Variants in MYLK4 observed in about 807,000 individuals in gnomAD.
The protein encoded by MYLK4 is myosin light chain kinase family member 4, also known as caMLCK like.
Under a neutral mutation model 48.1 loss-of-function variants are expected in MYLK4, and 46 were observed. The observed-to-expected ratio is 0.96, with a 90% CI of 0.75 to 1.22. The LOEUF (loss-of-function observed/expected upper bound fraction) is 1.22, where lower values mean the gene tolerates loss of function less well. MYLK4 is among the 50% of genes most tolerant of loss of function. The probability of loss-of-function intolerance (pLI) is 0.00; values close to 1 mark genes in which losing one functional copy is unlikely to be tolerated. For synonymous variants in MYLK4, 170 were observed against 180.8 expected (o/e 0.94, Z 0.48); for missense variants, 451 against 486.1 (o/e 0.93, Z 0.68).
At chr6:2,745,121 G>A (rs1764034658) in intron 2 of MYLK4, among the ~76,000 whole-genome samples, 1 of 152,188 alleles carries the variant, frequency 6.6e-6, no homozygotes, top group African/African-American at 2.4e-5. Context: ...GGTACACCGA[G>A]GAAAGCAGTG....
the MYLK4 span, among the ~76,000 whole-genome samples, chr6:2,763,503 G>T: frequency 6.6e-6 from 1 of 152,234 alleles, no homozygotes; most frequent in Non-Finnish European, 1.5e-5. Context: ...GGCGAGAAGT[G>T]CTGTCCCAAG....
chr6:2,763,433 G>GT, the MYLK4 span, among the ~76,000 whole-genome samples: 111 of 152,300 alleles, frequency 7.3e-4, 2 homozygotes, highest in South Asian at 0.023. Context: ...GTCCCCAGTT[G>GT]GGGGGAGGCT....
chr6:2,739,935 G>C (rs1157653736), intron 2 of MYLK4, among the ~76,000 whole-genome samples: 2 of 152,240 alleles, frequency 1.3e-5, no homozygotes, highest in East Asian at 3.8e-4. Flanking sequence ...GTTGTGTAAA[G>C]AACTTAAAGA....
chr6:2,677,841 A>G (rs1761136497), intron 10 of MYLK4, among the ~76,000 whole-genome samples: 1 of 152,240 alleles, frequency 6.6e-6, no homozygotes, highest in Non-Finnish European at 1.5e-5. Context: ...TCTGGCCCAC[A>G]GTAGTTTCCC....
chr6:2,726,489 C>CA (rs1763279180), intron 2 of MYLK4, among the ~76,000 whole-genome samples: 1 of 151,878 alleles, frequency 6.6e-6, no homozygotes, highest in African/African-American at 2.4e-5. Flanking sequence ...TTAGAGGAGA[C>CA]AAAAACCATG....
chr6:2,700,244 C>T (rs1022959767), intron 2 of MYLK4, among the ~76,000 whole-genome samples: 2 of 152,100 alleles, frequency 1.3e-5, no homozygotes, highest in African/African-American at 4.8e-5. Flanking sequence ...CCAAACTGTT[C>T]TAAGTTCTAA....
rs191367600 is a variant in MYLK4 at position 2,701,338 on chromosome 6, G to A, written c.160-8479C>T. On this transcript the variant is annotated intron_variant, in intron 2 of 12. Transcript: ENST00000274643. ...AGCCTAAGTTCAGTTCGGCCTCCCC[G>A]AGCCCCACTGCCTCCCTGCAGTGGG... Among the ~76,000 whole-genome samples the A allele has an allele frequency of 1.3e-4, 20 of 151,930 alleles. No individual in the cohort carries two copies. In the East Asian group the frequency reaches 2.9e-3, roughly 22 times the overall value.
At position 2,666,932 on chromosome 6, in the gene MYLK4, G is replaced by C. The variant is rs529452211; in HGVS notation, c.*993C>G. The C allele has an allele frequency of 6.6e-6, 1 of 152,242 alleles. No individual in the cohort carries two copies. The highest frequency in any genetic ancestry group is 2.4e-5 in the African/African-American group (1 of 41,448). The allele number at this position is 152,242 out of a possible 1,614,324, so 9.4% of individuals were successfully genotyped here. A position where few individuals can be genotyped will look rare whatever the true frequency, so the allele number is the denominator to read the frequency against. ...CCATTGAGTCCCATGAGACAGCACAGGCGAGAGACTGTACTTGGTCTTTGC... is the reference window on the plus strand; with the variant it reads ...CCATTGAGTCCCATGAGACAGCACACGCGAGAGACTGTACTTGGTCTTTGC... On this transcript the variant is annotated 3_prime_UTR_variant, in exon 13 of 13. Coordinates refer to ENST00000274643, the MANE Select transcript of MYLK4 (RefSeq NM_001012418.5).
intron 2 of MYLK4, among the ~76,000 whole-genome samples, chr6:2,716,370 G>GT (rs1762866392): frequency 6.6e-6 from 1 of 152,212 alleles, no homozygotes; most frequent in African/African-American, 2.4e-5. Flanking sequence ...GTGTGATCCT[G>GT]TTTGGGTAAA....
chr6:2,692,646 G>C lies in MYLK4; in HGVS notation c.235+138C>G, dbSNP rs1313485461. 24 of 540,230 alleles carry C rather than the reference G, an allele frequency of 4.4e-5. No individual in the cohort carries two copies. The East Asian group carries it at 5.8e-4, about 13-fold the overall frequency. 33.5% of individuals were successfully genotyped at this position (540,230 alleles called of 1,614,324 possible). ...AACACAAGCAAAAAAAAAAAAAGGG[G>C]GGGGGGGGCATTTTTTTATAAACAT... On this transcript the variant is annotated intron_variant, in intron 3 of 12. Transcript: ENST00000274643.
chr6:2,768,604 G>T, the MYLK4 span: 1 of 1,183,102 alleles, frequency 8.5e-7, no homozygotes, highest in Non-Finnish European at 1.2e-6. Flanking sequence ...TTGGTAAATA[G>T]TGATGCTGCG....
At chr6:2,676,931 G>C (rs534813839) in intron 10 of MYLK4, among the ~76,000 whole-genome samples, 39 of 152,268 alleles carry the variant, frequency 2.6e-4, no homozygotes, top group African/African-American at 9.1e-4. Flanking sequence ...GATTTGAAAG[G>C]GTTGACAGTT....
chr6:2,728,631 T>C (rs1663967529), intron 2 of MYLK4, among the ~76,000 whole-genome samples: 1 of 152,220 alleles, frequency 6.6e-6, no homozygotes, highest in Non-Finnish European at 1.5e-5. Context: ...AGGTTGGCAC[T>C]CCAGCTGAGG....
At chr6:2,759,383 A>G in the MYLK4 span, among the ~76,000 whole-genome samples, 1 of 152,238 alleles carries the variant, frequency 6.6e-6, no homozygotes, top group Non-Finnish European at 1.5e-5. Context: ...CTGGGATTAC[A>G]GACATGAACC....
At chr6:2,763,911 C>T in the MYLK4 span, among the ~76,000 whole-genome samples, 13 of 151,792 alleles carry the variant, frequency 8.6e-5, no homozygotes, top group African/African-American at 3.1e-4. Context: ...CTTTGGGAGA[C>T]CGAGGTGGGC....
rs1281473886 is a variant in MYLK4, at chr6:2,695,711, C to G, written c.160-2852G>C. ...ACAAACAGAAGTTGTATTCTCCTGT[C>G]CTTTCCAGGACAGACGCTGTATTTC... On this transcript the variant is annotated intron_variant, in intron 2 of 12. Transcript: ENST00000274643. 2.6e-5 allele frequency among the ~76,000 whole-genome samples: 4 copies of G among 152,198 alleles called. No homozygotes were observed. The East Asian group carries it at 5.8e-4, about 22-fold the overall frequency.
intron 2 of MYLK4, among the ~76,000 whole-genome samples, chr6:2,728,681 T>G (rs1763373863): frequency 2.0e-5 from 3 of 152,222 alleles, no homozygotes; most frequent in Admixed American, 6.5e-5. Flanking sequence ...GAATGTGTTT[T>G]CCTTCTGTCC....
At chr6:2,747,478 T>C (rs972622149) in intron 2 of MYLK4, among the ~76,000 whole-genome samples, 14 of 152,250 alleles carry the variant, frequency 9.2e-5, no homozygotes, top group African/African-American at 3.1e-4. Context: ...CCCAAGTAGC[T>C]GGGACTACAG....
chr6:2,690,830 T>TTTTTTTTC (rs1761756417), intron 3 of MYLK4, among the ~76,000 whole-genome samples: 1 of 136,856 alleles, frequency 7.3e-6, no homozygotes, highest in African/African-American at 2.9e-5. Flanking sequence ...AATCTTTTTT[T>TTTTTTTTC]TTTTTTTTTT....
Sources: gnomAD v4.1 joint callset for allele counts (sites outside exome capture counted in the v4.1 genomes callset) on GRCh38, gnomAD v4.1.1 for gene constraint, MANE v1.5 for transcripts, NCBI Gene and HGNC (gene_info 2026-07-23, HGNC 2026-07-21) for gene names.